C19orf44: variants seen among roughly 807,000 people sequenced by gnomAD.
The protein encoded by C19orf44 is chromosome 19 open reading frame 44, also known as uncharacterized protein C19orf44.
C19orf44 carries 43 observed loss-of-function variants against 50.7 expected under a neutral mutation model. The ratio of observed to expected loss-of-function variants is 0.85; its 90% confidence interval spans 0.66 to 1.09. The LOEUF (loss-of-function observed/expected upper bound fraction) is 1.09, where lower values mean the gene tolerates loss of function less well. C19orf44 is among the 50% of genes least tolerant of loss of function. C19orf44 has a pLI of 0.00. For missense variants in C19orf44, 722 were observed against 836.2 expected (o/e 0.86, Z 1.68); for synonymous variants, 298 against 334.7 (o/e 0.89, Z 1.20).
chr19:16,505,692 A>G (rs2093438561), intron 3 of C19orf44, among the ~76,000 whole-genome samples: 3 of 151,840 alleles, frequency 2.0e-5, no homozygotes, highest in Admixed American at 2.0e-4. Flanking sequence ...TGTTATGATA[A>G]TTATTTTTGA....
intron 5 of C19orf44, among the ~76,000 whole-genome samples, chr19:16,511,179 G>A (rs1568497791): frequency 6.6e-6 from 1 of 152,040 alleles, no homozygotes; most frequent in Non-Finnish European, 1.5e-5. Context: ...TGGGATTACA[G>A]GTATGTGCCA....
rs968291195 is a variant in C19orf44, at chr19:16,519,924, G to C, written c.*41-170G>C. 2.1e-5 allele frequency: 14 copies of C among 658,764 alleles called. No individual in the cohort carries two copies. The Admixed American group carries it at 3.8e-4, about 18-fold the overall frequency. The allele number at this position is 658,764 out of a possible 1,614,324, so 40.8% of individuals were successfully genotyped here. On this transcript the variant is annotated intron_variant, in intron 8 of 8. Coordinates refer to ENST00000221671, the MANE Select transcript of C19orf44 (RefSeq NM_032207.4). The surrounding 1 kb of genome is among the most constrained non-coding windows in gnomAD (Gnocchi z 6.0). ...GCCCCCACCCCACGCTCAGCATTGA[G>C]AGCAGGACACCTCCAACCCAGATGG...
In C19orf44 at chr19:16,509,842, T is replaced by A; in HGVS notation, c.1493T>A (p.Leu498Ter). ...KESLDRTLDALSESSSSVKTD... is the reference protein window; with the variant it reads ...KESLDRTLDA ...TCTCTTGACAGAACACTGGACGCTTTGTCTGAATCCTCTTCAAGTGTGAAG... is the reference window on the plus strand; with the variant it reads ...TCTCTTGACAGAACACTGGACGCTTAGTCTGAATCCTCTTCAAGTGTGAAG... The change falls in exon 5 of 9, where the codon TTG becomes TAG. Residue 498 changes from leucine to a stop codon, truncating the protein, a stop_gained. Coordinates refer to ENST00000221671, the MANE Select transcript of C19orf44 (RefSeq NM_032207.4). LOFTEE classifies it high-confidence loss of function. 6.2e-7 allele frequency: 1 copy of A among 1,614,246 alleles called. No individual in the cohort carries two copies. The highest frequency in any genetic ancestry group is 8.5e-7 in the Non-Finnish European group (1 of 1,180,044).
intron 5 of C19orf44, among the ~76,000 whole-genome samples, chr19:16,512,290 A>T (rs1391264867): frequency 6.6e-6 from 1 of 152,142 alleles, no homozygotes. Context: ...TTCATGAAAC[A>T]CTGGCGAGGC....
rs2093431952 is a variant in C19orf44 at position 16,503,517 on chromosome 19, C to A, written c.1075+137C>A. Reference sequence around the variant, plus strand: ...TCGCATCTCACACTCAGCTTTCTAACTTTCTTGTCTGGTTGAGGGGCCAAG... The same window carrying A: ...TCGCATCTCACACTCAGCTTTCTAAATTTCTTGTCTGGTTGAGGGGCCAAG... On this transcript the variant is annotated intron_variant, in intron 3 of 8. Transcript: ENST00000221671. 5.6e-6 allele frequency: 5 copies of A among 889,862 alleles called. 1 individual carries two copies. The highest frequency in any genetic ancestry group is 8.3e-6 in the Non-Finnish European group (5 of 599,376). 55.1% of individuals were successfully genotyped at this position (889,862 alleles called of 1,614,324 possible).
intron 8 of C19orf44, chr19:16,518,894 G>A (rs1481970469): frequency 2.0e-6 from 1 of 503,574 alleles, no homozygotes; most frequent in Non-Finnish European, 3.5e-6. Flanking sequence ...TGTGTTTTTT[G>A]CTTCGCTATA....
chr19:16,501,092 G>C lies in C19orf44; in HGVS notation c.300G>C (p.Leu100=). The change falls in exon 2 of 9, where the codon CTG becomes CTC. Residue 100 remains leucine (L), a synonymous_variant. Transcript: ENST00000221671. ...ANAALMKLAQ[L]ETRIMNRKLQ... is the part of the protein sequence containing the mutation. ...CCGCACTCATGAAGCTGGCCCAGCTGGAAACCCGGATCATGAATCGGAAGC... is the reference window on the plus strand; with the variant it reads ...CCGCACTCATGAAGCTGGCCCAGCTCGAAACCCGGATCATGAATCGGAAGC... The C allele has an allele frequency of 6.2e-7, 1 of 1,614,086 alleles. No homozygotes were observed. Among genetic ancestry groups the C allele is most frequent in the South Asian group, 1.1e-5 (1 of 91,074 alleles).
In C19orf44 at chr19:16,509,941, C is replaced by T; in HGVS notation, c.1592C>T (p.Thr531Ile). ...GTGACAAGAGTGCTTGTGAAGGACA[C>T]AGCTGTGCAGACGCCAGATCCTGCC... is the stretch of plus-strand genomic sequence containing the variant. ...RHVTRVLVKD[T>I]AVQTPDPAFT... The change falls in exon 5 of 9, where the codon ACA (threonine) becomes ATA (isoleucine). Residue 531 changes from threonine to isoleucine, a missense_variant. By Grantham distance (89) the Thr-to-Ile change is moderately conservative. Transcript: ENST00000221671. The T allele has an allele frequency of 6.2e-6, 10 of 1,614,266 alleles. No individual in the cohort carries two copies. Among genetic ancestry groups the T allele is most frequent in the Non-Finnish European group, 6.8e-6 (8 of 1,180,054 alleles).
At chr19:16,500,738 G>A in intron 1 of C19orf44, 54 bp from the exon 2 acceptor site, 1 of 1,490,014 alleles carries the variant, frequency 6.7e-7, no homozygotes, top group Non-Finnish European at 9.0e-7. Context: ...GCCATTGAAT[G>A]CTCAATACAA....
rs8111141 is a variant in C19orf44, at chr19:16,502,804, C to T, written c.760-261C>T. The stretch of plus-strand genomic sequence containing the variant: ...CTGTGGTCAAGGCCAGTCTGGGCAA[C>T]ATGGCAAAACCCATTCCTACAAAAA... On this transcript the variant is annotated intron_variant, in intron 2 of 8. Transcript: ENST00000221671. Among the ~76,000 whole-genome samples, 9 of 147,618 alleles carry T rather than the reference C, an allele frequency of 6.1e-5. No individual in the cohort carries two copies. The South Asian group carries it at 8.6e-4, about 14-fold the overall frequency.
intron 8 of C19orf44, chr19:16,518,039 G>T (rs17029): frequency 6.6e-6 from 1 of 152,068 alleles, no homozygotes; most frequent in East Asian, 1.9e-4. Context: ...TATTCATCAC[G>T]TTGGGTTGAA....
chr19:16,506,967 C>T (rs1050684390), intron 4 of C19orf44, among the ~76,000 whole-genome samples, 193 bp downstream of exon 4: 1 of 152,166 alleles, frequency 6.6e-6, no homozygotes, highest in Non-Finnish European at 1.5e-5. Flanking sequence ...GCGACCATGC[C>T]TGGCCCAATG....
chr19:16,514,227 C>T (rs2093465282), intron 6 of C19orf44, among the ~76,000 whole-genome samples: 1 of 151,606 alleles, frequency 6.6e-6, no homozygotes, highest in South Asian at 2.1e-4. Flanking sequence ...CTCCTGATCT[C>T]GAACTCCTGA....
At chr19:16,502,236 C>CTT (rs56319712) in intron 2 of C19orf44, among the ~76,000 whole-genome samples, 27 of 106,704 alleles carry the variant, frequency 2.5e-4, no homozygotes, top group East Asian at 4.8e-4. Context: ...TCTTTCTTTC[C>CTT]TTTTTTTTTT....
rs1265317618 is a variant in C19orf44 at position 16,500,692 on chromosome 19, G to A, written c.-1-100G>A. ...GGCTTGAAGGGAAGACTGTGGCTGG[G>A]TTGCAAAAGACAGTGTGAGCTTTTG... On this transcript the variant is annotated intron_variant, in intron 1 of 8. Transcript: ENST00000221671. The A allele has an allele frequency of 5.9e-5, 71 of 1,204,010 alleles. 1 individual carries two copies. The South Asian group carries it at 9.8e-4, about 17-fold the overall frequency. The allele number at this position is 1,204,010 out of a possible 1,614,324, so 74.6% of individuals were successfully genotyped here.
intron 1 of C19orf44, among the ~76,000 whole-genome samples, chr19:16,498,320 A>C (rs1043185805): frequency 6.6e-6 from 1 of 152,028 alleles, no homozygotes; most frequent in Non-Finnish European, 1.5e-5. Context: ...GTCTTGCCCT[A>C]TCATCCGGGC....
At position 16,521,130 on chromosome 19, in the gene C19orf44, G is replaced by C. The variant is rs1421261444; in HGVS notation, c.*1077G>C. 2 of 601,736 alleles carry C rather than the reference G, an allele frequency of 3.3e-6. No individual in the cohort carries two copies. The highest frequency in any genetic ancestry group is 5.9e-6 in the Non-Finnish European group (2 of 336,278). The allele number at this position is 601,736 out of a possible 1,614,324, so 37.3% of individuals were successfully genotyped here. ...CTGGTGCCCACGCCCTTGCCACCCT[G>C]CTGTTCCGCTGAGGTGGTGGGGACC... On this transcript the variant is annotated 3_prime_UTR_variant, in exon 9 of 9. Transcript: ENST00000221671.
In C19orf44 at chr19:16,509,889, G is replaced by T. The variant is rs202160274; in HGVS notation, c.1540G>T (p.Glu514Ter). The T allele has an allele frequency of 1.2e-6, 2 of 1,614,120 alleles. No homozygotes were observed. The highest frequency in any genetic ancestry group is 1.7e-6 in the Non-Finnish European group (2 of 1,180,054). The change falls in exon 5 of 9, where the codon GAG (glutamate) becomes TAG (stop). Residue 514 changes from glutamate (E) to a stop codon, truncating the protein, a stop_gained. Transcript: ENST00000221671. LOFTEE classifies it high-confidence loss of function. ...GAAGACAGACCTTCCACAAACAGCC[G>T]AGTCTAGGAAAAAGTCGGGCAGGCA... ...SVKTDLPQTA[E>*]SRKKSGRHVT...
rs751451818 is a variant in C19orf44, at chr19:16,520,179, C to T, written c.*126C>T. The stretch of plus-strand genomic sequence containing the variant: ...GGTGGGGCTCCTGGACCGTGACCGG[C>T]GTCTTCTTCCTGGGGAGTACGACTT... On this transcript the variant is annotated 3_prime_UTR_variant, in exon 9 of 9. Transcript: ENST00000221671. The surrounding 1 kb of genome is among the most constrained non-coding windows in gnomAD (Gnocchi z 4.0). 9.3e-6 allele frequency: 15 copies of T among 1,612,750 alleles called. No homozygotes were observed. The highest frequency in any genetic ancestry group is 4.4e-5 in the South Asian group (4 of 91,064).
Sources: gnomAD v4.1 joint callset for allele counts (sites outside exome capture counted in the v4.1 genomes callset) on GRCh38, gnomAD v4.1.1 for gene constraint, Gnocchi (gnomAD v3.1) non-coding constraint, MANE v1.5 for transcripts, NCBI Gene and HGNC (gene_info 2026-07-23, HGNC 2026-07-21) for gene names.